Variants in EYS observed in about 807,000 individuals in gnomAD.
EYS encodes the protein EGF-like photoreceptor maintenance factor.
A neutral mutation model predicts 282.1 loss-of-function variants in EYS; 250 were observed. The ratio of observed to expected loss-of-function variants is 0.89; its 90% CI spans 0.80 to 0.98. EYS has a LOEUF of 0.98. Among genes scored for constraint, EYS ranks in the 50% least tolerant of loss-of-function variants. The probability of loss-of-function intolerance (pLI) is 0.00; values close to 1 mark genes in which losing one functional copy is unlikely to be tolerated. For synonymous variants in EYS, 1,355 were observed against 1,282.9 expected (o/e 1.06, Z -1.20); for missense variants, 4,016 against 3,709.0 (o/e 1.08, Z -2.15).
At chr6:64,239,084 A>T (rs906127021) in intron 30 of EYS, among the ~76,000 whole-genome samples, 5 of 152,144 alleles carry the variant, frequency 3.3e-5, no homozygotes, top group Admixed American at 3.3e-4. Flanking sequence ...ACGTGAACTC[A>T]TCCTTTTTTA....
chr6:64,832,714 A>T (rs545835853), intron 19 of EYS, among the ~76,000 whole-genome samples: 84 of 152,058 alleles, frequency 5.5e-4, no homozygotes, highest in Admixed American at 1.6e-3. Context: ...GGATATATGC[A>T]TATGTCAAAA....
intron 12 of EYS, among the ~76,000 whole-genome samples, chr6:65,234,416 T>G (rs1404369256): frequency 6.6e-6 from 1 of 152,184 alleles, no homozygotes; most frequent in Non-Finnish European, 1.5e-5. Flanking sequence ...TTGCTTGCTA[T>G]CCCTGAGGAG....
intron 30 of EYS, among the ~76,000 whole-genome samples, chr6:64,306,262 T>C (rs950778125): frequency 6.6e-6 from 1 of 152,090 alleles, no homozygotes; most frequent in African/African-American, 2.4e-5. Flanking sequence ...CAACCTCACA[T>C]TGATTAAGAT....
At chr6:64,546,871 C>G (rs1764890295) in intron 26 of EYS, among the ~76,000 whole-genome samples, 2 of 152,264 alleles carry the variant, frequency 1.3e-5, no homozygotes, top group South Asian at 4.1e-4. Flanking sequence ...AGTCAGGAAA[C>G]AACAGGTGCT....
At chr6:64,407,547 T>A (rs1773759146) in intron 28 of EYS, among the ~76,000 whole-genome samples, 2 of 152,308 alleles carry the variant, frequency 1.3e-5, no homozygotes, top group South Asian at 4.1e-4. Context: ...TTGATGCTAA[T>A]GAAAGAAGTG....
chr6:65,165,636 C>T (rs1764954888), intron 12 of EYS, among the ~76,000 whole-genome samples: 1 of 151,072 alleles, frequency 6.6e-6, no homozygotes, highest in South Asian at 2.1e-4. Context: ...AAAAGAAAAT[C>T]CTCAGCTACA....
chr6:64,732,255 C>A (rs1013951836), intron 22 of EYS, among the ~76,000 whole-genome samples: 1 of 146,856 alleles, frequency 6.8e-6, no homozygotes, highest in Non-Finnish European at 1.5e-5. Flanking sequence ...CACGTGTATA[C>A]CTATGTAACA....
intron 12 of EYS, among the ~76,000 whole-genome samples, chr6:65,292,041 AC>A (rs1440954773): frequency 6.6e-6 from 1 of 151,706 alleles, no homozygotes; most frequent in African/African-American, 2.4e-5. Flanking sequence ...CAACAAAAAA[AC>A]ATAGTGAATT....
At chr6:65,177,327 A>T (rs551796258) in intron 12 of EYS, among the ~76,000 whole-genome samples, 3 of 151,854 alleles carry the variant, frequency 2.0e-5, no homozygotes, top group Admixed American at 6.6e-5. Flanking sequence ...ATCCATTTGC[A>T]ATTTGAGGAA....
At chr6:64,293,319 T>C (rs1768782630) in intron 30 of EYS, among the ~76,000 whole-genome samples, 1 of 152,168 alleles carries the variant, frequency 6.6e-6, no homozygotes, top group South Asian at 2.1e-4. Context: ...ATATGCTTTA[T>C]AACTTACTCC....
intron 12 of EYS, among the ~76,000 whole-genome samples, chr6:65,271,153 T>TATATATATATATATATATATATA (rs1562062959): frequency 7.6e-6 from 1 of 131,144 alleles, no homozygotes; most frequent in African/African-American, 2.8e-5. Context: ...TATATATATA[T>TATATATATATATATATATATATA]GAAGATTTAT....
intron 35 of EYS, among the ~76,000 whole-genome samples, chr6:63,923,822 T>C (rs1320295592): frequency 6.6e-6 from 1 of 152,210 alleles, no homozygotes; most frequent in East Asian, 1.9e-4. Context: ...AGTGAGAACA[T>C]GCGGTATTTG....
chr6:64,269,837 T>C (rs1433924404), intron 30 of EYS, among the ~76,000 whole-genome samples: 1 of 152,084 alleles, frequency 6.6e-6, no homozygotes, highest in Non-Finnish European at 1.5e-5. Flanking sequence ...TTCAAAAGTA[T>C]ATATATGCAA....
At chr6:64,714,167 A>AGATT (rs1771297467) in intron 22 of EYS, among the ~76,000 whole-genome samples, 1 of 152,226 alleles carries the variant, frequency 6.6e-6, no homozygotes, top group Non-Finnish European at 1.5e-5. Flanking sequence ...GATTCAAGAA[A>AGATT]TGTTTGATAG....
chr6:64,925,897 G>A (rs1360844773), intron 15 of EYS, among the ~76,000 whole-genome samples: 1 of 152,136 alleles, frequency 6.6e-6, no homozygotes, highest in Non-Finnish European at 1.5e-5. Context: ...AGGGTTCGGA[G>A]TCAGTTCTCG....
chr6:65,402,504 C>T lies in EYS; in HGVS notation c.1158G>A (p.Lys386=), dbSNP rs1766549682. Residue 386 remains lysine (K), a synonymous_variant, in exon 7 of 43, where the codon AAG becomes AAA. Coordinates refer to ENST00000503581, the MANE Select transcript of EYS (RefSeq NM_001142800.2). The part of the protein sequence containing the change: ...SFPLRNNATC[K]KCEKDYPCSC... ...TGCAAGGATAATCTTTCTCACATTT[C>T]TTACATGTAGCATTATTCCTCAAAG... The T allele has an allele frequency of 6.5e-7, 1 of 1,528,026 alleles. No homozygotes were observed. The highest frequency in any genetic ancestry group is 9.1e-7 in the Non-Finnish European group (1 of 1,103,002). 94.7% of individuals were successfully genotyped at this position (1,528,026 alleles called of 1,614,324 possible).
intron 2 of EYS, among the ~76,000 whole-genome samples, chr6:65,633,862 G>A (rs759414017): frequency 3.3e-5 from 5 of 152,138 alleles, no homozygotes; most frequent in African/African-American, 9.7e-5. Context: ...CTGTTTTCCC[G>A]CTGCAATGGC....
chr6:63,914,564 TG>T (rs1488101051), intron 35 of EYS, among the ~76,000 whole-genome samples: 6 of 151,802 alleles, frequency 4.0e-5, no homozygotes, highest in Admixed American at 6.6e-5. Context: ...AAAAATTAGT[TG>T]GGCATGGTTA....
At chr6:64,163,250 ATAT>A (rs1279539949) in intron 31 of EYS, among the ~76,000 whole-genome samples, 10 of 152,108 alleles carry the variant, frequency 6.6e-5, no homozygotes, top group Admixed American at 5.9e-4. Flanking sequence ...ATACTACATA[ATAT>A]TATTTTTTCT....
Sources: allele counts gnomAD v4.1 joint callset (sites outside exome capture counted in the v4.1 genomes callset), GRCh38; gene constraint gnomAD v4.1.1; transcripts MANE v1.5; gene names NCBI Gene and HGNC (gene_info 2026-07-23, HGNC 2026-07-21).